Variants in CARMIL1 observed in about 807,000 individuals in gnomAD.
CARMIL1 encodes the protein F-actin-uncapping protein LRRC16A.
In CARMIL1, 90 loss-of-function variants were observed where a neutral mutation model predicts 177.1. The observed-to-expected ratio is 0.51, with a 90% CI of 0.43 to 0.61. The LOEUF is 0.61. Ranked by LOEUF, CARMIL1 falls within the 20% of genes least tolerant of loss-of-function variation. The pLI, the probability that CARMIL1 is intolerant of heterozygous loss-of-function variation, is 0.00. For synonymous variants in CARMIL1, 577 were observed against 606.2 expected (o/e 0.95, Z 0.71); for missense variants, 1,380 against 1,667.0 (o/e 0.83, Z 3.00).
chr6:25,333,081 A>G (rs769192573), intron 2 of CARMIL1, among the ~76,000 whole-genome samples: 9 of 152,202 alleles, frequency 5.9e-5, no homozygotes, highest in Non-Finnish European at 1.2e-4. Flanking sequence ...TGAATAGTAC[A>G]GATTGATGAC....
At chr6:25,542,710 T>C (rs1056094808) in intron 26 of CARMIL1, among the ~76,000 whole-genome samples, 11 of 152,312 alleles carry the variant, frequency 7.2e-5, no homozygotes, top group Non-Finnish European at 1.3e-4. Flanking sequence ...TTTAACTGGG[T>C]GCACATTTCA....
chr6:25,598,839 C>T (rs1166049808), intron 32 of CARMIL1, among the ~76,000 whole-genome samples: 1 of 152,070 alleles, frequency 6.6e-6, no homozygotes, highest in African/African-American at 2.4e-5. Context: ...CATTTTGTTG[C>T]GGGGAGAGGG....
rs775869330 is a variant in CARMIL1 at position 25,550,911 on chromosome 6, C to T, written c.2330C>T (p.Ala777Val). 8.7e-6 allele frequency: 14 copies of T among 1,612,358 alleles called. No homozygotes were observed. The highest frequency in any genetic ancestry group is 1.3e-5 in the African/African-American group (1 of 74,810). Residue 777 changes from alanine (A) to valine (V), a missense_variant and splice_region_variant, in exon 27 of 37, where the codon GCG (alanine) becomes GTG (valine). Coordinates refer to ENST00000329474, the MANE Select transcript of CARMIL1 (RefSeq NM_017640.6). ...VTRVVDEQLKALLESMVDAAE... is the reference protein window; with the variant it reads ...VTRVVDEQLKVLLESMVDAAE... ...CCCTTCACTTGTGCTGCATTGCAGGCGTTGCTTGAGTCCATGGTTGATGCT... is the reference window on the plus strand; with the variant it reads ...CCCTTCACTTGTGCTGCATTGCAGGTGTTGCTTGAGTCCATGGTTGATGCT...
intron 3 of CARMIL1, among the ~76,000 whole-genome samples, chr6:25,426,213 C>G (rs1227459880): frequency 1.3e-5 from 2 of 152,154 alleles, no homozygotes; most frequent in Admixed American, 1.3e-4. Flanking sequence ...CCAACTTCTA[C>G]TATTGTGTTT....
chr6:25,352,590 T>C (rs1788216413), intron 2 of CARMIL1, among the ~76,000 whole-genome samples: 1 of 152,194 alleles, frequency 6.6e-6, no homozygotes, highest in African/African-American at 2.4e-5. Context: ...TGCTAACATG[T>C]AAGAGTGCAC....
At chr6:25,445,729 G>GTATTTTGTATTTTTAGTA (rs1265951862) in intron 5 of CARMIL1, among the ~76,000 whole-genome samples, 1 of 151,740 alleles carries the variant, frequency 6.6e-6, no homozygotes, top group Non-Finnish European at 1.5e-5. Context: ...TAGTAGAGAT[G>GTATTTTGTATTTTTAGTA]GGGTTTCACC....
intron 2 of CARMIL1, among the ~76,000 whole-genome samples, chr6:25,355,954 G>A (rs987241576): frequency 7.2e-5 from 11 of 151,928 alleles, no homozygotes; most frequent in African/African-American, 2.4e-4. Context: ...TTCATTCACT[G>A]CTTGCCCTGC....
chr6:25,357,596 A>T (rs1465944551), intron 2 of CARMIL1, among the ~76,000 whole-genome samples: 1 of 152,198 alleles, frequency 6.6e-6, no homozygotes, highest in East Asian at 1.9e-4. Flanking sequence ...AAAGAAAACA[A>T]AAATAAAAAA....
At chr6:25,451,997 C>CCCG (rs1210716352) in intron 8 of CARMIL1, 1 of 123,900 alleles carries the variant, frequency 8.1e-6, no homozygotes, top group Non-Finnish European at 1.7e-5. Flanking sequence ...CCCCCCCCTC[C>CCCG]CCCCCCCAGA....
chr6:25,389,517 A>G (rs1271538251), intron 2 of CARMIL1, among the ~76,000 whole-genome samples: 1 of 152,176 alleles, frequency 6.6e-6, no homozygotes, highest in Admixed American at 6.5e-5. Flanking sequence ...TTTTAGGCAG[A>G]TTGGAAGGTG....
At chr6:25,453,094 A>G (rs1236585083) in intron 8 of CARMIL1, among the ~76,000 whole-genome samples, 2 of 152,204 alleles carry the variant, frequency 1.3e-5, no homozygotes, top group Non-Finnish European at 2.9e-5. Context: ...TTCCTCTTGT[A>G]TAATAGCAAA....
intron 2 of CARMIL1, among the ~76,000 whole-genome samples, chr6:25,312,924 A>AC (rs55705406): frequency 0.21 from 31,252 of 148,312 alleles, 4,292 homozygotes; most frequent in East Asian, 0.41. Flanking sequence ...AAAAAAAAAA[A>AC]AAAAAAACCA....
intron 31 of CARMIL1, among the ~76,000 whole-genome samples, chr6:25,592,172 TG>T (rs1814383747): frequency 6.6e-6 from 1 of 152,110 alleles, no homozygotes; most frequent in Non-Finnish European, 1.5e-5. Context: ...GTGACCAGTG[TG>T]GGTGCCGCTA....
intron 2 of CARMIL1, among the ~76,000 whole-genome samples, chr6:25,399,900 T>A (rs549501916): frequency 6.6e-6 from 1 of 152,302 alleles, no homozygotes; most frequent in East Asian, 1.9e-4. Flanking sequence ...TGCTAAAAAG[T>A]TTTATATACA....
chr6:25,450,739 CT>C, intron 8 of CARMIL1, 28 bp downstream of exon 8: 1 of 1,369,948 alleles, frequency 7.3e-7, no homozygotes. Context: ...TTCTTTCCTC[CT>C]TTCCTCCCTC....
At chr6:25,556,959 G>A (rs1810680935) in intron 29 of CARMIL1, 109 bp downstream of exon 29, 4 of 1,088,958 alleles carry the variant, frequency 3.7e-6, no homozygotes, top group Non-Finnish European at 4.0e-6. Context: ...ACAAAACACT[G>A]TCCCCACCCT....
chr6:25,581,648 A>G (rs1813132615), intron 31 of CARMIL1, among the ~76,000 whole-genome samples: 1 of 152,234 alleles, frequency 6.6e-6, no homozygotes, highest in African/African-American at 2.4e-5. Context: ...ATAAAACAAC[A>G]TAATTGTGGA....
chr6:25,608,210 CT>C (rs1188631131), intron 35 of CARMIL1, among the ~76,000 whole-genome samples: 1 of 152,068 alleles, frequency 6.6e-6, no homozygotes, highest in African/African-American at 2.4e-5. Context: ...CAAGGTTTTG[CT>C]TTTTACAGTC....
chr6:25,599,833 G>A (rs1474491801), intron 32 of CARMIL1, among the ~76,000 whole-genome samples: 1 of 152,144 alleles, frequency 6.6e-6, no homozygotes, highest in Non-Finnish European at 1.5e-5. Flanking sequence ...ACTATCTTGA[G>A]TAATGGACCA....
Sources: allele counts gnomAD v4.1 joint callset (sites outside exome capture counted in the v4.1 genomes callset), GRCh38; gene constraint gnomAD v4.1.1; transcripts MANE v1.5; gene names NCBI Gene and HGNC (gene_info 2026-07-23, HGNC 2026-07-21).